The following GMDS variants were observed in gnomAD, a reference collection of about 807,000 sequenced individuals.
The protein encoded by GMDS is GDP-mannose 4,6 dehydratase.
Under a neutral mutation model 49.9 loss-of-function variants are expected in GMDS, and 20 were observed. The observed-to-expected ratio is 0.40, with a 90% CI of 0.28 to 0.58. The LOEUF (loss-of-function observed/expected upper bound fraction) is 0.58. GMDS is among the 20% of genes least tolerant of loss of function. GMDS has a pLI of 0.42. For missense variants in GMDS, 362 were observed against 481.4 expected, an observed-to-expected ratio of 0.75 and a Z score of 2.32; for synonymous variants, 177 against 178.6, an observed-to-expected ratio of 0.99 and a Z score of 0.07.
chr6:1,654,888 C>T (rs1275689741), intron 9 of GMDS, among the ~76,000 whole-genome samples: 1 of 151,860 alleles, frequency 6.6e-6, no homozygotes, highest in Non-Finnish European at 1.5e-5. Context: ...TGGTGAAACC[C>T]CATCTCTACT....
At chr6:1,720,129 T>A (rs1323472817) in intron 9 of GMDS, among the ~76,000 whole-genome samples, 2 of 152,184 alleles carry the variant, frequency 1.3e-5, no homozygotes, top group East Asian at 3.8e-4. Flanking sequence ...TTAATCTAGA[T>A]CTGATAATAA....
intron 4 of GMDS, among the ~76,000 whole-genome samples, chr6:2,021,793 C>A (rs975246133): frequency 6.6e-6 from 1 of 152,170 alleles, no homozygotes; most frequent in Admixed American, 6.5e-5. Flanking sequence ...GGGCTCCAAT[C>A]GCTCTGTAAG....
chr6:2,205,465 C>T (rs1779764900), intron 1 of GMDS, among the ~76,000 whole-genome samples: 1 of 152,250 alleles, frequency 6.6e-6, no homozygotes, highest in Non-Finnish European at 1.5e-5. Context: ...GGTCTCCCTT[C>T]TTCCAGCGTG....
At chr6:2,240,601 C>CAAAAA (rs57052982) in intron 1 of GMDS, among the ~76,000 whole-genome samples, 34 of 83,762 alleles carry the variant, frequency 4.1e-4, no homozygotes, top group Non-Finnish European at 5.6e-4. Context: ...AAGACTGTCT[C>CAAAAA]AAAAAAAAAA....
intron 1 of GMDS, among the ~76,000 whole-genome samples, chr6:2,139,767 G>A (rs1776192360): frequency 1.3e-5 from 2 of 152,170 alleles, no homozygotes; most frequent in African/African-American, 4.8e-5. Context: ...TTCAACAACA[G>A]CACAGGGTTT....
intron 4 of GMDS, among the ~76,000 whole-genome samples, chr6:1,972,866 C>G (rs897665932): frequency 1.8e-4 from 28 of 152,296 alleles, no homozygotes; most frequent in African/African-American, 6.3e-4. Flanking sequence ...AGTATATTAA[C>G]AGATTAAGAG....
intron 1 of GMDS, among the ~76,000 whole-genome samples, chr6:2,230,287 T>C (rs574729663): frequency 3.4e-4 from 52 of 152,356 alleles, no homozygotes; most frequent in African/African-American, 1.2e-3. Flanking sequence ...TAGCTACGTA[T>C]ATTTACATCT....
rs761741871 is a variant in GMDS, at chr6:1,969,261, CAAAAAAAAAAAAAA to C, written c.346-8309_346-8296del. Among the ~76,000 whole-genome samples the C allele has an allele frequency of 6.4e-3, 90 of 14,100 alleles. 2 individuals are homozygous for C. Among genetic ancestry groups the C allele is most frequent in the Middle Eastern group, 0.071 (1 of 14 alleles). The allele number at this position is 14,100 out of a possible 152,430, so 9.3% of individuals were successfully genotyped here. ...TGGGTGACAGAGTGAGGCTCCATCTCAAAAAAAAAAAAAAAAAAAAAAAAAAAAAGAGAAAGAAA... is the reference window on the plus strand; with the variant it reads ...TGGGTGACAGAGTGAGGCTCCATCTCAAAAAAAAAAAAAAAGAGAAAGAAA... On this transcript the variant is annotated intron_variant, in intron 4 of 10. Coordinates refer to ENST00000380815, the MANE Select transcript of GMDS (RefSeq NM_001500.4).
intron 1 of GMDS, among the ~76,000 whole-genome samples, chr6:2,208,178 A>C (rs1473527104): frequency 6.6e-6 from 1 of 152,186 alleles, no homozygotes; most frequent in Admixed American, 6.5e-5. Flanking sequence ...GGTCAACGAT[A>C]ATCAATGACC....
intron 7 of GMDS, among the ~76,000 whole-genome samples, chr6:1,743,276 G>A (rs550159336): frequency 2.0e-5 from 3 of 152,284 alleles, no homozygotes; most frequent in South Asian, 2.1e-4. Context: ...ATGTCTAGCA[G>A]GGCGCGGTGG....
chr6:1,625,690 GAAGGAAGA>G (rs1250343278), intron 9 of GMDS, among the ~76,000 whole-genome samples: 3 of 152,302 alleles, frequency 2.0e-5, no homozygotes, highest in Non-Finnish European at 1.5e-5. Flanking sequence ...AAATAGGAAA[GAAGGAAGA>G]AAGGAGGAAA....
chr6:1,925,165 C>T (rs1320480642), intron 7 of GMDS, among the ~76,000 whole-genome samples: 1 of 152,094 alleles, frequency 6.6e-6, no homozygotes, highest in African/African-American at 2.4e-5. Context: ...AAAATTTATT[C>T]AGTTATTCTG....
chr6:1,962,372 C>T (rs1581427866), intron 4 of GMDS, among the ~76,000 whole-genome samples: 1 of 152,174 alleles, frequency 6.6e-6, no homozygotes, highest in Non-Finnish European at 1.5e-5. Flanking sequence ...TGACTGGCTT[C>T]CTTCGCTTAC....
chr6:2,184,459 A>T (rs1157651405), intron 1 of GMDS, among the ~76,000 whole-genome samples: 1 of 152,072 alleles, frequency 6.6e-6, no homozygotes, highest in Non-Finnish European at 1.5e-5. Context: ...TCCCTTGAAC[A>T]CACTAACTAG....
At chr6:1,731,447 G>A (rs1364380508) in intron 8 of GMDS, among the ~76,000 whole-genome samples, 5 of 152,208 alleles carry the variant, frequency 3.3e-5, no homozygotes, top group Non-Finnish European at 5.9e-5. Context: ...GGGACCAAGA[G>A]AAGGTCTGAA....
intron 4 of GMDS, among the ~76,000 whole-genome samples, chr6:1,985,209 C>T (rs2127352788): frequency 6.6e-6 from 1 of 152,292 alleles, no homozygotes; most frequent in Admixed American, 6.5e-5. Flanking sequence ...TTCCACTGAA[C>T]AGAGCTGTTA....
At chr6:2,130,125 A>C (rs1307435091) in intron 1 of GMDS, among the ~76,000 whole-genome samples, 1 of 152,252 alleles carries the variant, frequency 6.6e-6, no homozygotes, top group Non-Finnish European at 1.5e-5. Context: ...AGGCTGGACT[A>C]ATGACTACAA....
chr6:2,156,528 T>G (rs976497769), intron 1 of GMDS, among the ~76,000 whole-genome samples: 2 of 152,172 alleles, frequency 1.3e-5, no homozygotes, highest in African/African-American at 4.8e-5. Context: ...TAAGTCACTG[T>G]TTTTTTACAA....
At chr6:1,685,015 C>CT (rs919664576) in intron 9 of GMDS, among the ~76,000 whole-genome samples, 7 of 112,194 alleles carry the variant, frequency 6.2e-5, no homozygotes, top group African/African-American at 1.1e-4. Context: ...CTCTCTCCCC[C>CT]CCCTTTTTTT....
Sources: allele counts gnomAD v4.1 joint callset (sites outside exome capture counted in the v4.1 genomes callset), GRCh38; gene constraint gnomAD v4.1.1; transcripts MANE v1.5; gene names NCBI Gene and HGNC (gene_info 2026-07-23, HGNC 2026-07-21).